Variants in EXPH5 observed in about 807,000 individuals in gnomAD.
EXPH5 encodes exophilin-5.
Under a neutral mutation model 41.1 loss-of-function variants are expected in EXPH5, and 42 were observed. The observed-to-expected ratio is 1.02, with a 90% CI of 0.80 to 1.32. The LOEUF (loss-of-function observed/expected upper bound fraction) is 1.32, where lower values mean the gene tolerates loss of function less well. Ranked by LOEUF, EXPH5 falls within the 40% of genes most tolerant of loss-of-function variation. The probability of loss-of-function intolerance (pLI) is 0.00; values close to 1 mark genes in which losing one functional copy is unlikely to be tolerated. For synonymous variants in EXPH5, 798 were observed against 833.5 expected (o/e 0.96, Z 0.73); for missense variants, 2,298 against 2,314.5 (o/e 0.99, Z 0.15).
chr11:108,599,113 G>C, the EXPH5 span, among the ~76,000 whole-genome samples: 2 of 152,040 alleles, frequency 1.3e-5, no homozygotes, highest in African/African-American at 4.8e-5. Flanking sequence ...CACCTGGCTG[G>C]CTTCTGGGAT....
At chr11:108,527,283 G>A (rs1449797173) in intron 4 of EXPH5, among the ~76,000 whole-genome samples, 1 of 151,994 alleles carries the variant, frequency 6.6e-6, no homozygotes, top group Non-Finnish European at 1.5e-5. Flanking sequence ...TCATACCACT[G>A]TACTCCAGCC....
upstream of EXPH5, chr11:108,593,787 G>C: frequency 1.3e-6 from 2 of 1,531,546 alleles, no homozygotes; most frequent in South Asian, 2.4e-5. Flanking sequence ...AAGGGAGAGA[G>C]GGAACCAATC....
At chr11:108,606,269 C>T in the EXPH5 span, among the ~76,000 whole-genome samples, 4 of 152,178 alleles carry the variant, frequency 2.6e-5, no homozygotes, top group Non-Finnish European at 5.9e-5. Flanking sequence ...TGTTAAATCC[C>T]CCACACCAGT....
intron 1 of EXPH5, among the ~76,000 whole-genome samples, chr11:108,575,384 A>G (rs1248321160): frequency 6.6e-6 from 1 of 152,254 alleles, no homozygotes; most frequent in Non-Finnish European, 1.5e-5. Context: ...TATTATTTAC[A>G]TGAGTAATTC....
chr11:108,526,760 T>C (rs77920447), intron 4 of EXPH5, among the ~76,000 whole-genome samples: 3,502 of 152,326 alleles, frequency 0.023, 126 homozygotes, highest in African/African-American at 0.077. Flanking sequence ...ATCCTCAGTC[T>C]GCTATTTACC....
chr11:108,542,421 T>A (rs2093917847), intron 1 of EXPH5, among the ~76,000 whole-genome samples: 1 of 152,176 alleles, frequency 6.6e-6, no homozygotes, highest in Admixed American at 6.5e-5. Flanking sequence ...ATCAGGCTGA[T>A]GAGGACAACC....
chr11:108,571,322 G>T (rs112532355), intron 1 of EXPH5, among the ~76,000 whole-genome samples: 1 of 152,146 alleles, frequency 6.6e-6, no homozygotes, highest in Admixed American at 6.5e-5. Flanking sequence ...CCACAACTAA[G>T]AATGAATTTT....
At position 108,511,672 on chromosome 11, in the gene EXPH5, T is replaced by A; in HGVS notation, c.3835A>T (p.Ile1279Leu). The change falls in exon 6 of 6, where the codon ATA becomes TTA. Residue 1279 changes from isoleucine to leucine, a missense_variant. Ile to Leu is a conservative substitution (Grantham distance 5). Transcript: ENST00000265843. Reference sequence around the variant, plus strand: ...TCAGTCTCCACTTGAGGTGATTCTATAAGTAAATTAGTATTTTGTGTATAC... The same window carrying A: ...TCAGTCTCCACTTGAGGTGATTCTAAAAGTAAATTAGTATTTTGTGTATAC... Reference protein sequence around the residue: ...QQYTQNTNLLIESPQVETETF... With the variant: ...QQYTQNTNLLLESPQVETETF... 1.2e-6 allele frequency: 2 copies of A among 1,603,420 alleles called. No homozygotes were observed. The highest frequency in any genetic ancestry group is 1.7e-6 in the Non-Finnish European group (2 of 1,177,056).
upstream of EXPH5, among the ~76,000 whole-genome samples, chr11:108,594,429 T>C (rs2136134308): frequency 6.6e-6 from 1 of 152,338 alleles, no homozygotes. Context: ...CTTAATAAAC[T>C]CAGAGAAGTA....
At chr11:108,526,770 C>T (rs769685677) in intron 4 of EXPH5, among the ~76,000 whole-genome samples, 2 of 152,164 alleles carry the variant, frequency 1.3e-5, no homozygotes, top group Non-Finnish European at 2.9e-5. Context: ...TGCTATTTAC[C>T]AGGGTGACCT....
At chr11:108,515,781 C>T (rs1310934229) in intron 5 of EXPH5, among the ~76,000 whole-genome samples, 1 of 152,106 alleles carries the variant, frequency 6.6e-6, no homozygotes, top group Non-Finnish European at 1.5e-5. Flanking sequence ...GCCATAAAAG[C>T]TCACTTTTGG....
intron 1 of EXPH5, among the ~76,000 whole-genome samples, chr11:108,556,513 C>T (rs1462088807): frequency 1.3e-5 from 2 of 152,108 alleles, no homozygotes; most frequent in African/African-American, 4.8e-5. Flanking sequence ...TGCTCTGTCA[C>T]CTAGACTGGA....
chr11:108,575,531 G>C (rs373840672), intron 1 of EXPH5, among the ~76,000 whole-genome samples: 12 of 152,102 alleles, frequency 7.9e-5, no homozygotes, highest in East Asian at 3.8e-4. Flanking sequence ...ATATTGGAAT[G>C]GTTAACTAAA....
chr11:108,539,865 A>G (rs9971453), intron 2 of EXPH5, among the ~76,000 whole-genome samples: 3,180 of 152,302 alleles, frequency 0.021, 107 homozygotes, highest in African/African-American at 0.071. Context: ...TTCAGCTTAT[A>G]TAATGCAAAT....
At position 108,591,388 on chromosome 11, in the gene EXPH5, G is replaced by A. The variant is rs114394929; in HGVS notation, c.119+2030C>T. 5.4e-3 allele frequency among the ~76,000 whole-genome samples: 825 copies of A among 152,270 alleles called. 7 individuals are homozygous for A. The highest frequency in any genetic ancestry group is 0.019 in the African/African-American group (770 of 41,540). On this transcript the variant is annotated intron_variant, in intron 1 of 5. Coordinates refer to ENST00000265843, the MANE Select transcript of EXPH5 (RefSeq NM_015065.3). ...CATGTGAGCCTGAAGTGGGTAAGCA[G>A]AACAATCCCATGGAGCCTGCAAGCC...
At chr11:108,515,714 CCAGA>C (rs2093720585) in intron 5 of EXPH5, among the ~76,000 whole-genome samples, 1 of 152,090 alleles carries the variant, frequency 6.6e-6, no homozygotes, top group African/African-American at 2.4e-5. Context: ...GGATTTGAAC[CCAGA>C]CAGTCTGTTT....
chr11:108,564,574 T>G (rs1255378778), intron 1 of EXPH5, among the ~76,000 whole-genome samples: 5 of 152,222 alleles, frequency 3.3e-5, no homozygotes, highest in Admixed American at 3.3e-4. Flanking sequence ...AATGTTGAAA[T>G]AAACCCAGTT....
intron 1 of EXPH5, among the ~76,000 whole-genome samples, chr11:108,549,043 T>G (rs558065753): frequency 6.6e-6 from 1 of 152,214 alleles, no homozygotes; most frequent in Non-Finnish European, 1.5e-5. Context: ...TGTTATATGT[T>G]CAGCACCAAC....
rs777788606 is a variant in EXPH5 at position 108,512,396 on chromosome 11, T to A, written c.3111A>T (p.Gly1037=). The A allele has an allele frequency of 4.3e-6, 7 of 1,609,706 alleles. No homozygotes were observed. Among genetic ancestry groups the A allele is most frequent in the Non-Finnish European group, 5.9e-6 (7 of 1,178,526 alleles). Residue 1037 remains glycine (G), a synonymous_variant, in exon 6 of 6, where the codon GGA becomes GGT. Coordinates refer to ENST00000265843, the MANE Select transcript of EXPH5 (RefSeq NM_015065.3). ...TCAATGAAGCAGCCATTATTTTACT[T>A]CCTGACTGCCTGCCATGTATGAGAA... ...SSFLIHGRQS[G]SKIMAASLRN... is the part of the protein sequence containing the mutation.
Sources: allele counts gnomAD v4.1 joint callset (sites outside exome capture counted in the v4.1 genomes callset), GRCh38; gene constraint gnomAD v4.1.1; transcripts MANE v1.5; gene names NCBI Gene and HGNC (gene_info 2026-07-23, HGNC 2026-07-21).